The following ASTN2 variants were observed in gnomAD, a reference collection of about 807,000 sequenced individuals.
ASTN2 encodes the protein astrotactin-2.
A neutral mutation model predicts 139.8 loss-of-function variants in ASTN2; 54 were observed. The ratio of observed to expected loss-of-function variants is 0.39; its 90% CI spans 0.31 to 0.48. ASTN2 has a LOEUF of 0.48. ASTN2 is among the 20% of genes least tolerant of loss of function. ASTN2 has a pLI of 0.95. For synonymous variants in ASTN2, 756 were observed against 719.5 expected (o/e 1.05, Z -0.81); for missense variants, 1,565 against 1,725.1 (o/e 0.91, Z 1.64).
intron 3 of ASTN2, among the ~76,000 whole-genome samples, chr9:117,155,877 A>T (rs1830421876): frequency 6.6e-6 from 1 of 152,070 alleles, no homozygotes; most frequent in Non-Finnish European, 1.5e-5. Flanking sequence ...ATGAGTTAAC[A>T]GTAAGGTGAC....
chr9:117,211,903 AGAG>A (rs974895841), intron 3 of ASTN2, among the ~76,000 whole-genome samples: 20 of 152,168 alleles, frequency 1.3e-4, no homozygotes, highest in Non-Finnish European at 2.6e-4. Flanking sequence ...AAGAAATTGA[AGAG>A]GATACAAAAA....
At chr9:117,358,953 A>G (rs1441625965) in intron 1 of ASTN2, among the ~76,000 whole-genome samples, 1 of 152,136 alleles carries the variant, frequency 6.6e-6, no homozygotes, top group African/African-American at 2.4e-5. Flanking sequence ...TGAAACGTTG[A>G]TCTCCAACAT....
chr9:117,383,368 T>C (rs889763879), intron 1 of ASTN2, among the ~76,000 whole-genome samples: 3 of 152,218 alleles, frequency 2.0e-5, no homozygotes, highest in Non-Finnish European at 4.4e-5. Context: ...ACTGACTGAC[T>C]GGAAGGAATT....
At chr9:116,525,318 A>C (rs1322340515) in intron 19 of ASTN2, among the ~76,000 whole-genome samples, 1 of 152,214 alleles carries the variant, frequency 6.6e-6, no homozygotes, top group Admixed American at 6.5e-5. Context: ...TTTGGAACAC[A>C]TGTGGACAGT....
At chr9:116,602,246 T>A (rs528015728) in intron 19 of ASTN2, among the ~76,000 whole-genome samples, 1 of 152,166 alleles carries the variant, frequency 6.6e-6, no homozygotes, top group East Asian at 1.9e-4. Flanking sequence ...AAGTGAACCA[T>A]TGTAGGCTAT....
At chr9:117,124,477 C>A (rs572024619) in intron 4 of ASTN2, among the ~76,000 whole-genome samples, 12 of 152,222 alleles carry the variant, frequency 7.9e-5, no homozygotes, top group South Asian at 4.2e-4. Context: ...TCTCCCATAA[C>A]AACTCACAGC....
rs1031387889 is a variant in ASTN2, at chr9:116,644,413, C to T, written c.3072+7115G>A. On this transcript the variant is annotated intron_variant, in intron 17 of 22. Coordinates refer to ENST00000313400, the MANE Select transcript of ASTN2 (RefSeq NM_001365068.1). The stretch of plus-strand genomic sequence containing the variant: ...TCAGATCTACAGAGTATTTTACAGC[C>T]TTCAAAACATTGAAAGTCTCTTAAT... 2.0e-5 allele frequency among the ~76,000 whole-genome samples: 3 copies of T among 152,098 alleles called. No individual in the cohort carries two copies. The East Asian group carries it at 5.8e-4, about 29-fold the overall frequency.
intron 2 of ASTN2, among the ~76,000 whole-genome samples, chr9:117,287,946 T>C (rs1309250031): frequency 6.6e-6 from 1 of 152,162 alleles, no homozygotes; most frequent in Non-Finnish European, 1.5e-5. Flanking sequence ...ATCAGTTTTG[T>C]TTCATACATA....
At chr9:117,411,143 C>T (rs911875629) in intron 1 of ASTN2, among the ~76,000 whole-genome samples, 9 of 152,272 alleles carry the variant, frequency 5.9e-5, no homozygotes, top group African/African-American at 1.9e-4. Flanking sequence ...TCTAAAAATA[C>T]TTCCTCATCT....
intron 2 of ASTN2, among the ~76,000 whole-genome samples, chr9:117,237,966 C>G (rs1405934221): frequency 6.6e-6 from 1 of 152,158 alleles, no homozygotes; most frequent in Non-Finnish European, 1.5e-5. Flanking sequence ...CCTGGAGACA[C>G]ACAGTTGTCT....
chr9:117,219,851 T>A (rs961519306), intron 2 of ASTN2, among the ~76,000 whole-genome samples: 4 of 152,072 alleles, frequency 2.6e-5, no homozygotes, highest in Admixed American at 2.6e-4. Context: ...AGATTCCCCA[T>A]GGGAACAAGA....
chr9:117,288,705 G>T (rs1260043794), intron 2 of ASTN2, among the ~76,000 whole-genome samples: 1 of 152,172 alleles, frequency 6.6e-6, no homozygotes, highest in Non-Finnish European at 1.5e-5. Context: ...TTGCTGCATT[G>T]TCTGTGGCCA....
At chr9:117,347,026 A>G (rs1254385901) in intron 1 of ASTN2, among the ~76,000 whole-genome samples, 2 of 152,174 alleles carry the variant, frequency 1.3e-5, no homozygotes, top group Non-Finnish European at 2.9e-5. Flanking sequence ...ACAAGGCTAA[A>G]GGGCATCCTG....
chr9:116,871,374 T>A lies in ASTN2; in HGVS notation c.1890-7641A>T, dbSNP rs550302900. 2.2e-3 allele frequency among the ~76,000 whole-genome samples: 330 copies of A among 152,346 alleles called. 4 individuals carry two copies. The Middle Eastern group carries it at 0.068, about 31-fold the overall frequency. Reference sequence around the variant, plus strand: ...CCATATGATTTACCTATTTAAAGTGTACAGTTTAAGCAGGGTACAGTTTAA... The same window carrying A: ...CCATATGATTTACCTATTTAAAGTGAACAGTTTAAGCAGGGTACAGTTTAA... On this transcript the variant is annotated intron_variant, in intron 10 of 22. Coordinates refer to ENST00000313400, the MANE Select transcript of ASTN2 (RefSeq NM_001365068.1).
At chr9:116,790,990 A>AAGAAAGAAG (rs1830528843) in intron 13 of ASTN2, among the ~76,000 whole-genome samples, 39 of 103,172 alleles carry the variant, frequency 3.8e-4, no homozygotes, top group African/African-American at 1.2e-3. Flanking sequence ...AAAGAAAGAA[A>AAGAAAGAAG]GAAAGAAAGA....
chr9:117,052,426 C>T (rs4838119), intron 5 of ASTN2, among the ~76,000 whole-genome samples: 109,997 of 141,308 alleles, frequency 0.78, 42,881 homozygotes, highest in South Asian at 0.87. Context: ...GAGAGAGAGA[C>T]TCCATCTTAA....
At chr9:116,563,069 G>C (rs1852999332) in intron 19 of ASTN2, among the ~76,000 whole-genome samples, 1 of 151,986 alleles carries the variant, frequency 6.6e-6, no homozygotes, top group South Asian at 2.1e-4. Flanking sequence ...AGGGTCTAAA[G>C]ATTAGGTAAG....
chr9:116,795,538 T>TC lies in ASTN2; in HGVS notation c.2396+10093dup, dbSNP rs1367602902. On this transcript the variant is annotated intron_variant, in intron 13 of 22. Coordinates refer to ENST00000313400, the MANE Select transcript of ASTN2 (RefSeq NM_001365068.1). ...TGATTCCACACTGCTAGCTGAGCTGTCCACTTCCCATGACCCTCACCCCCA... is the reference window on the plus strand; with the variant it reads ...TGATTCCACACTGCTAGCTGAGCTGTCCCACTTCCCATGACCCTCACCCCCA... Among the ~76,000 whole-genome samples, 4 of 152,332 alleles carry TC rather than the reference T, an allele frequency of 2.6e-5. No individual in the cohort carries two copies. In the East Asian group the frequency reaches 7.7e-4, roughly 29 times the overall value.
chr9:116,891,292 T>C (rs1217047933), intron 10 of ASTN2, among the ~76,000 whole-genome samples: 12 of 152,248 alleles, frequency 7.9e-5, no homozygotes. Context: ...GATATTTCGC[T>C]TTTGTTTACT....
Sources: allele counts gnomAD v4.1 joint callset (sites outside exome capture counted in the v4.1 genomes callset), GRCh38; gene constraint gnomAD v4.1.1; transcripts MANE v1.5; gene names NCBI Gene and HGNC (gene_info 2026-07-23, HGNC 2026-07-21).